Variants in CACNG6 observed in about 807,000 individuals in gnomAD.
CACNG6 encodes the protein voltage-dependent calcium channel gamma-6 subunit.
In CACNG6, 21 loss-of-function variants were observed where a neutral mutation model predicts 23.9. That is an observed-to-expected ratio of 0.88 (90% CI 0.62 to 1.26). The LOEUF is 1.26. Ranked by LOEUF, CACNG6 falls within the 50% of genes most tolerant of loss-of-function variation. The pLI is 0.00. For missense variants in CACNG6, 340 were observed against 352.9 expected (o/e 0.96, Z 0.29); for synonymous variants, 182 against 168.9 (o/e 1.08, Z -0.60).
intron 3 of CACNG6, among the ~76,000 whole-genome samples, chr19:54,008,447 G>A (rs2069670017): frequency 6.6e-6 from 1 of 152,156 alleles, no homozygotes. Context: ...ACTGGGGTTG[G>A]GGCAGGACTC....
At chr19:54,007,927 G>T (rs1331032279) in intron 3 of CACNG6, among the ~76,000 whole-genome samples, 31 of 151,578 alleles carry the variant, frequency 2.0e-4, no homozygotes, top group Non-Finnish European at 1.5e-5. Context: ...AAAAAAGATT[G>T]AATTAGGAAA....
At position 54,012,085 on chromosome 19, in the gene CACNG6, G is replaced by A. The variant is rs761682241; in HGVS notation, c.679G>A (p.Ala227Thr). The change falls in exon 4 of 4, where the codon GCC (alanine) becomes ACC (threonine). Residue 227 changes from alanine (A) to threonine (T), a missense_variant. Physicochemically the swap from Ala to Thr is moderately conservative, Grantham distance 58. Transcript: ENST00000252729. The stretch of plus-strand genomic sequence containing the variant: ...CTGGTCCCTGGGCTGCGGCGTGGGG[G>A]CCGGCCTGATCCTGCTGTTGGGGGC... ...YSWSLGCGVG[A>T]GLILLLGAGC... 5.7e-6 allele frequency: 9 copies of A among 1,583,710 alleles called. No individual in the cohort carries two copies. Among genetic ancestry groups the A allele is most frequent in the Middle Eastern group, 3.4e-4 (2 of 5,954 alleles).
At position 54,006,691 on chromosome 19, in the gene CACNG6, A is replaced by G. The variant is rs1157000752; in HGVS notation, c.545-5260A>G. On this transcript the variant is annotated intron_variant, in intron 3 of 3. Coordinates refer to ENST00000252729, the MANE Select transcript of CACNG6 (RefSeq NM_145814.2). ...TGGGATTACAGGCACCCGCCATGACACCCAGCTAATTTTTGTATTTTTTAG... is the reference window on the plus strand; with the variant it reads ...TGGGATTACAGGCACCCGCCATGACGCCCAGCTAATTTTTGTATTTTTTAG... Among the ~76,000 whole-genome samples the G allele has an allele frequency of 3.3e-5, 5 of 150,014 alleles. No individual in the cohort carries two copies. In the South Asian group the frequency reaches 8.5e-4, roughly 25 times the overall value.
In CACNG6 at chr19:53,991,829, G is replaced by T. The variant is rs2069463560; in HGVS notation, c.-1049G>T. On this transcript the variant is annotated 5_prime_UTR_variant, in exon 1 of 4. In the 5' UTR this introduces an upstream ATG that the reference lacks. Transcript: ENST00000252729. ...GGGAAGGCCCTGGGAGCCCGGGGGAGGGAGACGGACTGATCCCGAAGGGGC... is the reference window on the plus strand; with the variant it reads ...GGGAAGGCCCTGGGAGCCCGGGGGATGGAGACGGACTGATCCCGAAGGGGC... Among the ~76,000 whole-genome samples the T allele has an allele frequency of 6.6e-6, 1 of 152,200 alleles. No homozygotes were observed. The highest frequency in any genetic ancestry group is 6.5e-5 in the Admixed American group (1 of 15,288).
intron 1 of CACNG6, among the ~76,000 whole-genome samples, chr19:53,993,966 C>A (rs1429638551): frequency 6.6e-6 from 1 of 152,040 alleles, no homozygotes; most frequent in Non-Finnish European, 1.5e-5. Flanking sequence ...TGATTCCAGA[C>A]ACAGCTGGTG....
intron 3 of CACNG6, among the ~76,000 whole-genome samples, chr19:54,010,878 G>C (rs1008696872): frequency 2.0e-5 from 3 of 151,910 alleles, no homozygotes; most frequent in African/African-American, 7.3e-5. Flanking sequence ...ACAGCACCCA[G>C]CCTCCTCTTT....
chr19:53,991,354 C>T (rs1600048686), upstream of CACNG6, among the ~76,000 whole-genome samples: 1 of 151,982 alleles, frequency 6.6e-6, no homozygotes, highest in Admixed American at 6.6e-5. Flanking sequence ...ACTTGCTGCC[C>T]CGCCCGTCTC....
rs558579484 is a variant in CACNG6 at position 53,993,987 on chromosome 19, G to T, written c.331+779G>T. 2.6e-5 allele frequency among the ~76,000 whole-genome samples: 4 copies of T among 151,976 alleles called. No homozygotes were observed. In the South Asian group the frequency reaches 8.3e-4, roughly 32 times the overall value. On this transcript the variant is annotated intron_variant, in intron 1 of 3. Transcript: ENST00000252729. ...CAGACACAGCTGGTGTCCTCAGATA[G>T]CCTGTGCCCACCCCAGACAGCCTGC...
intron 3 of CACNG6, among the ~76,000 whole-genome samples, chr19:54,006,629 G>A (rs2069650292): frequency 6.7e-6 from 1 of 148,908 alleles, no homozygotes; most frequent in African/African-American, 2.5e-5. Flanking sequence ...CCCCTCCCGG[G>A]TTCAAGTGAT....
chr19:53,996,784 T>C (rs1000486907), intron 1 of CACNG6, among the ~76,000 whole-genome samples: 3 of 152,092 alleles, frequency 2.0e-5, no homozygotes, highest in Non-Finnish European at 4.4e-5. Context: ...GTATTTTGAC[T>C]TGGAAAATAT....
At position 53,993,222 on chromosome 19, in the gene CACNG6, G is replaced by T; in HGVS notation, c.331+14G>T. The T allele has an allele frequency of 6.5e-7, 1 of 1,528,810 alleles. No homozygotes were observed. The highest frequency in any genetic ancestry group is 2.5e-5 in the East Asian group (1 of 40,530). The allele number at this position is 1,528,810 out of a possible 1,614,324, so 94.7% of individuals were successfully genotyped here. On this transcript the variant is annotated intron_variant, in intron 1 of 3. Transcript: ENST00000252729. ...AGCTGCCCGGAGGTGAGCAGCCGCC[G>T]CCCCGAGCGCAGGGCTTGCGTCCCA...
intron 1 of CACNG6, among the ~76,000 whole-genome samples, chr19:53,995,932 G>A (rs1479141706): frequency 6.6e-6 from 1 of 152,200 alleles, no homozygotes; most frequent in East Asian, 1.9e-4. Flanking sequence ...AAAGTGCTGG[G>A]ATGACAGGCA....
intron 3 of CACNG6, among the ~76,000 whole-genome samples, chr19:54,003,429 C>T (rs746026247): frequency 6.6e-6 from 1 of 152,086 alleles, no homozygotes; most frequent in Non-Finnish European, 1.5e-5. Flanking sequence ...GGTGCGATCT[C>T]GGCTCACTGC....
intron 3 of CACNG6, among the ~76,000 whole-genome samples, chr19:54,006,044 C>T (rs993728884): frequency 4.7e-5 from 7 of 150,050 alleles, no homozygotes; most frequent in South Asian, 2.1e-4. Context: ...GAGCTGAGAT[C>T]GCACCACTGC....
At chr19:54,000,799 C>T (rs1357043050) in intron 3 of CACNG6, among the ~76,000 whole-genome samples, 3 of 152,056 alleles carry the variant, frequency 2.0e-5, no homozygotes, top group African/African-American at 4.8e-5. Context: ...AGGCTGGTCT[C>T]GAACTCCTGA....
chr19:54,006,522 C>CTTTTTTTTTTTTTT (rs766609552), intron 3 of CACNG6, among the ~76,000 whole-genome samples: 32 of 34,188 alleles, frequency 9.4e-4, no homozygotes, highest in Non-Finnish European at 1.2e-3. Context: ...TCTTTCTTTT[C>CTTTTTTTTTTTTTT]TTTTTTTTTT....
intron 3 of CACNG6, among the ~76,000 whole-genome samples, chr19:54,006,454 C>G (rs944545981): frequency 6.6e-6 from 1 of 151,322 alleles, no homozygotes; most frequent in African/African-American, 2.4e-5. Context: ...AAATGGCCAA[C>G]TTATCCCTGT....
Position 54,011,924 on chromosome 19 carries a change from G to C in CACNG6, c.545-27G>C, listed in dbSNP as rs375248786. On this transcript the variant is annotated intron_variant, in intron 3 of 3. Coordinates refer to ENST00000252729, the MANE Select transcript of CACNG6 (RefSeq NM_145814.2). ...GACACAGCTGGGGTCGCGGGCGTCTGACTGCGAGCTGTCCTCTCTCCCGCA... is the reference window on the plus strand; with the variant it reads ...GACACAGCTGGGGTCGCGGGCGTCTCACTGCGAGCTGTCCTCTCTCCCGCA... 3 of 1,437,208 alleles carry C rather than the reference G, an allele frequency of 2.1e-6. No homozygotes were observed. The African/African-American group carries it at 4.4e-5, about 21-fold the overall frequency. 89.0% of individuals were successfully genotyped at this position (1,437,208 alleles called of 1,614,324 possible).
At chr19:54,010,147 A>G (rs1286942902) in intron 3 of CACNG6, among the ~76,000 whole-genome samples, 1 of 148,618 alleles carries the variant, frequency 6.7e-6, no homozygotes, top group Non-Finnish European at 1.5e-5. Context: ...CAGCCTCCCG[A>G]GTAGCTGGGA....
Sources: gnomAD v4.1 joint callset for allele counts (sites outside exome capture counted in the v4.1 genomes callset) on GRCh38, gnomAD v4.1.1 for gene constraint, MANE v1.5 for transcripts, NCBI Gene and HGNC (gene_info 2026-07-23, HGNC 2026-07-21) for gene names.